The following KCNIP4 variants were observed in gnomAD, a reference collection of about 807,000 sequenced individuals.
KCNIP4 encodes the protein Kv channel-interacting protein 4.
A neutral mutation model predicts 34.0 loss-of-function variants in KCNIP4; 12 were observed. The observed-to-expected ratio is 0.35, with a 90% CI of 0.23 to 0.57. KCNIP4 has a LOEUF of 0.57. KCNIP4 is among the 20% of genes least tolerant of loss of function. The pLI is 0.83. For synonymous variants in KCNIP4, 124 were observed against 102.2 expected (o/e 1.21, Z -1.29); for missense variants, 238 against 311.7 (o/e 0.76, Z 1.78).
At chr4:20,763,284 G>T (rs10022238) in intron 3 of KCNIP4, among the ~76,000 whole-genome samples, 121,096 of 152,156 alleles carry the variant, frequency 0.8, 48,978 homozygotes, top group African/African-American at 0.94. Flanking sequence ...ATGAGGGATA[G>T]TCAACCTGTA....
At chr4:21,103,853 C>T (rs1342261584) in intron 1 of KCNIP4, among the ~76,000 whole-genome samples, 17 of 150,214 alleles carry the variant, frequency 1.1e-4, no homozygotes, top group Admixed American at 8.7e-4. Context: ...TTTGTCCTTG[C>T]GATAGTTTAC....
chr4:21,166,431 G>C (rs1225996948), intron 1 of KCNIP4, among the ~76,000 whole-genome samples: 1 of 152,170 alleles, frequency 6.6e-6, no homozygotes, highest in Non-Finnish European at 1.5e-5. Context: ...AGGAGGTGGA[G>C]TGACAGGAAT....
intron 1 of KCNIP4, among the ~76,000 whole-genome samples, chr4:21,432,078 G>C (rs993415861): frequency 2.0e-5 from 2 of 101,728 alleles, no homozygotes; most frequent in Admixed American, 1.4e-4. Flanking sequence ...TATTCAATGT[G>C]TGAAAATGGA....
intron 1 of KCNIP4, among the ~76,000 whole-genome samples, chr4:21,756,568 A>AG (rs1491169529): frequency 6.0e-5 from 7 of 116,680 alleles, no homozygotes; most frequent in South Asian, 3.2e-4. Context: ...AAAAAAAAAA[A>AG]AGAGAGAGAG....
At chr4:21,327,442 T>C (rs1318798664) in intron 1 of KCNIP4, among the ~76,000 whole-genome samples, 4 of 152,264 alleles carry the variant, frequency 2.6e-5, no homozygotes, top group African/African-American at 9.6e-5. Flanking sequence ...TGTATGTTAT[T>C]TGTTTCTGTT....
At position 21,935,320 on chromosome 4, in the gene KCNIP4, T is replaced by C. The variant is rs569165650; in HGVS notation, c.61+13251A>G. Among the ~76,000 whole-genome samples, 3 of 152,202 alleles carry C rather than the reference T, an allele frequency of 2.0e-5. No homozygotes were observed. The South Asian group carries it at 6.2e-4, about 32-fold the overall frequency. On this transcript the variant is annotated intron_variant, in intron 1 of 8. Transcript: ENST00000382152. ...TTACATCAGACAAGAGGACTCTTCC[T>C]AAAGCATCACTTTGATTATGCCATT...
intron 1 of KCNIP4, among the ~76,000 whole-genome samples, chr4:21,375,314 A>T (rs1320931478): frequency 6.6e-6 from 1 of 152,130 alleles, no homozygotes; most frequent in Admixed American, 6.5e-5. Context: ...ACTGTAGAAT[A>T]AAAACAGCCT....
intron 1 of KCNIP4, among the ~76,000 whole-genome samples, chr4:21,701,635 G>T (rs1378778412): frequency 1.3e-5 from 2 of 152,104 alleles, no homozygotes; most frequent in Non-Finnish European, 2.9e-5. Flanking sequence ...AGATATATTA[G>T]AATGTAGATA....
chr4:21,519,470 G>A (rs9996018), intron 1 of KCNIP4, among the ~76,000 whole-genome samples: 4,853 of 39,340 alleles, frequency 0.12, 1,135 homozygotes, highest in East Asian at 0.27. Flanking sequence ...ATGTGTGTAT[G>A]TGTATGTGTA....
chr4:21,524,016 C>A (rs549218348), intron 1 of KCNIP4, among the ~76,000 whole-genome samples: 24 of 152,124 alleles, frequency 1.6e-4, no homozygotes, highest in Non-Finnish European at 2.9e-4. Context: ...TCTTTGCCAA[C>A]ATTTTTTCCA....
intron 3 of KCNIP4, among the ~76,000 whole-genome samples, chr4:20,845,834 A>G (rs981534051): frequency 6.6e-6 from 1 of 152,164 alleles, no homozygotes; most frequent in Non-Finnish European, 1.5e-5. Flanking sequence ...CAAAGAATTG[A>G]ATTCTGCCAA....
chr4:21,298,911 G>T (rs1763997499), intron 1 of KCNIP4, among the ~76,000 whole-genome samples: 1 of 152,102 alleles, frequency 6.6e-6, no homozygotes, highest in South Asian at 2.1e-4. Context: ...AAAATTATTA[G>T]CCATTGCCCT....
At chr4:21,774,852 C>T (rs28871730) in intron 1 of KCNIP4, among the ~76,000 whole-genome samples, 22,405 of 151,888 alleles carry the variant, frequency 0.15, 5,550 homozygotes, top group African/African-American at 0.51. Flanking sequence ...ATCTAACCTT[C>T]TATCAAGGTT....
chr4:21,940,456 T>C (rs1057089901), intron 1 of KCNIP4, among the ~76,000 whole-genome samples: 6 of 152,206 alleles, frequency 3.9e-5, no homozygotes, highest in African/African-American at 1.4e-4. Flanking sequence ...AAAATAAACA[T>C]GTTTAGGCAT....
At chr4:21,907,435 T>C (rs1373633814) in intron 1 of KCNIP4, among the ~76,000 whole-genome samples, 1 of 152,116 alleles carries the variant, frequency 6.6e-6, no homozygotes, top group Non-Finnish European at 1.5e-5. Flanking sequence ...CTAGCCAAAA[T>C]AAACCTTTTT....
intron 3 of KCNIP4, among the ~76,000 whole-genome samples, chr4:20,773,703 A>G (rs1248147188): frequency 6.6e-5 from 10 of 152,184 alleles, no homozygotes; most frequent in African/African-American, 2.4e-4. Flanking sequence ...ATTTCTTTCA[A>G]GAAGGCTATT....
chr4:21,022,634 A>G (rs1244630350), intron 1 of KCNIP4, among the ~76,000 whole-genome samples: 1 of 152,248 alleles, frequency 6.6e-6, no homozygotes, highest in African/African-American at 2.4e-5. Context: ...GATGCATGCC[A>G]GAAATAGTAT....
At chr4:21,599,893 A>G (rs1749855884) in intron 1 of KCNIP4, among the ~76,000 whole-genome samples, 1 of 152,084 alleles carries the variant, frequency 6.6e-6, no homozygotes, top group African/African-American at 2.4e-5. Flanking sequence ...AGTACTAAAT[A>G]TAAGACTTGA....
At chr4:21,816,443 A>G (rs1466668593) in intron 1 of KCNIP4, among the ~76,000 whole-genome samples, 1 of 152,152 alleles carries the variant, frequency 6.6e-6, no homozygotes, top group Non-Finnish European at 1.5e-5. Context: ...CCCATCAAAT[A>G]AAATGTCTAC....
Sources: allele counts gnomAD v4.1 joint callset (sites outside exome capture counted in the v4.1 genomes callset), GRCh38; gene constraint gnomAD v4.1.1; transcripts MANE v1.5; gene names NCBI Gene and HGNC (gene_info 2026-07-23, HGNC 2026-07-21).